BCLAF3: variants seen among roughly 807,000 people sequenced by gnomAD.
BCLAF3 encodes the protein transient octamer binding factor 1.
In BCLAF3, 24 loss-of-function variants were observed where a neutral mutation model predicts 51.2. That is an observed-to-expected ratio of 0.47 (90% CI 0.34 to 0.66). The LOEUF (loss-of-function observed/expected upper bound fraction) is 0.66, where lower values mean the gene tolerates loss of function less well. Among genes scored for constraint, BCLAF3 ranks in the 30% least tolerant of loss-of-function variants. The pLI, the probability that BCLAF3 is intolerant of heterozygous loss-of-function variation, is 0.01. For synonymous variants in BCLAF3, 152 were observed against 176.6 expected (o/e 0.86, Z 1.10); for missense variants, 465 against 525.1 (o/e 0.89, Z 1.12).
chrX:19,955,610 G>C, intron 4 of BCLAF3, 44 bp from the exon 5 acceptor site: 1 of 1,053,565 alleles, frequency 9.5e-7, no homozygotes, highest in Non-Finnish European at 1.3e-6. Flanking sequence ...AAACTATTTT[G>C]TGGAGAAAAG....
chrX:19,978,649 T>A (rs1167810575), intron 1 of BCLAF3, among the ~76,000 whole-genome samples: 1 of 112,462 alleles, frequency 8.9e-6, no homozygotes, highest in Non-Finnish European at 1.9e-5. Context: ...ATATGTTTAG[T>A]TGATAAAGCA....
At chrX:19,929,724 A>G (rs1399162701) in intron 11 of BCLAF3, 61 bp downstream of exon 11, 2 of 1,050,093 alleles carry the variant, frequency 1.9e-6, no homozygotes, top group Admixed American at 3.0e-5. Context: ...TCTAATGAAC[A>G]TAGATAATCT....
chrX:19,917,891 T>C (rs765374592), intron 11 of BCLAF3, among the ~76,000 whole-genome samples: 21 of 111,665 alleles, frequency 1.9e-4, no homozygotes, highest in African/African-American at 6.8e-4. Context: ...ACAAGAACAA[T>C]GAGACTATGA....
At chrX:19,927,176 G>A (rs1005173258) in intron 11 of BCLAF3, among the ~76,000 whole-genome samples, 13 of 110,717 alleles carry the variant, frequency 1.2e-4, no homozygotes, top group South Asian at 7.7e-4. Flanking sequence ...GCAGTGAGCC[G>A]AGATGGTGCC....
chrX:19,940,076 G>A (rs1202336835), intron 8 of BCLAF3, among the ~76,000 whole-genome samples: 1 of 111,319 alleles, frequency 9.0e-6, no homozygotes, highest in African/African-American at 3.3e-5. Context: ...GGTTAAAATG[G>A]TAAATTTAGG....
chrX:19,927,375 A>G (rs989996582), intron 11 of BCLAF3, among the ~76,000 whole-genome samples: 1 of 112,077 alleles, frequency 8.9e-6, no homozygotes, highest in African/African-American at 3.2e-5. Context: ...ACATAAAAAA[A>G]ATAAGTTGCC....
Position 19,938,604 on chromosome X carries a change from C to T in BCLAF3, c.1746-1072G>A, listed in dbSNP as rs1161435462. Among the ~76,000 whole-genome samples the T allele has an allele frequency of 4.5e-5, 5 of 112,345 alleles. No individual in the cohort carries two copies. In the East Asian group the frequency reaches 8.4e-4, roughly 19 times the overall value. On this transcript the variant is annotated intron_variant, in intron 8 of 11. Coordinates refer to ENST00000379682, the MANE Select transcript of BCLAF3 (RefSeq NM_001367774.2). ...TAGACACGGGGTTTCACCATGTTGG[C>T]CAGCCTGGTCTTGAACTCCTGACCT...
At chrX:19,938,439 A>G (rs1456784978) in intron 8 of BCLAF3, among the ~76,000 whole-genome samples, 1 of 112,311 alleles carries the variant, frequency 8.9e-6, no homozygotes, top group African/African-American at 3.2e-5. Context: ...TGTGTTGCCC[A>G]GGCTGGAGTG....
At chrX:19,963,566 TC>T (rs745815840) in intron 4 of BCLAF3, among the ~76,000 whole-genome samples, 2 of 111,526 alleles carry the variant, frequency 1.8e-5, no homozygotes, top group East Asian at 5.6e-4. Context: ...TATGGGTGAT[TC>T]CCCCCCTTTA....
chrX:19,951,572 G>A (rs1359718311), intron 7 of BCLAF3, among the ~76,000 whole-genome samples: 28 of 90,591 alleles, frequency 3.1e-4, no homozygotes, highest in Admixed American at 1.4e-3. Flanking sequence ...CTCCAGCCAG[G>A]GTGACAGAGT....
rs1180798487 is a variant in BCLAF3, at chrX:19,965,710, T to C, written c.612-4A>G. ...GAAATCACGATCCTCAGGATACCTG[T>C]GTTGACATAAAGCAGTTTACACTTG... is the stretch of plus-strand genomic sequence containing the variant. On this transcript the variant is annotated splice_polypyrimidine_tract_variant and splice_region_variant and intron_variant, in intron 3 of 11. Transcript: ENST00000379682. 9 of 1,128,046 alleles carry C rather than the reference T, an allele frequency of 8.0e-6. No homozygotes were observed. The highest frequency in any genetic ancestry group is 1.0e-5 in the Non-Finnish European group (9 of 857,643). The allele number at this position is 1,128,046 out of a possible 1,213,427, so 93.0% of individuals were successfully genotyped here.
At chrX:19,928,709 A>G (rs1459378337) in intron 11 of BCLAF3, among the ~76,000 whole-genome samples, 1 of 112,380 alleles carries the variant, frequency 8.9e-6, no homozygotes, top group Non-Finnish European at 1.9e-5. Context: ...GGATAAAGAA[A>G]ATGCATATAT....
At chrX:19,990,691 C>T (rs2072909481) in intron 1 of BCLAF3, among the ~76,000 whole-genome samples, 1 of 113,181 alleles carries the variant, frequency 8.8e-6, no homozygotes, top group Admixed American at 9.2e-5. Context: ...GGGCAGCTGT[C>T]CCCTGGAAAC....
At chrX:19,925,362 G>A (rs2070323276) in intron 11 of BCLAF3, among the ~76,000 whole-genome samples, 1 of 111,050 alleles carries the variant, frequency 9.0e-6, no homozygotes, top group African/African-American at 3.3e-5. Context: ...TGGCAGGGGA[G>A]TGAGGAGTCC....
chrX:19,983,582 G>A (rs1000234218), intron 1 of BCLAF3, among the ~76,000 whole-genome samples: 4 of 110,745 alleles, frequency 3.6e-5, no homozygotes, highest in Non-Finnish European at 7.6e-5. Flanking sequence ...GGGCATGGTG[G>A]CATGCGCCTA....
At chrX:19,943,506 T>C (rs1365242164) in intron 8 of BCLAF3, among the ~76,000 whole-genome samples, 1 of 60,978 alleles carries the variant, frequency 1.6e-5, no homozygotes, top group Non-Finnish European at 2.7e-5. Context: ...AGAACATCTT[T>C]ATTTCTGCCT....
At chrX:19,946,138 C>A (rs892499205) in intron 8 of BCLAF3, among the ~76,000 whole-genome samples, 2 of 110,806 alleles carry the variant, frequency 1.8e-5, no homozygotes, top group East Asian at 2.9e-4. Flanking sequence ...CGGCTCGCGC[C>A]CGGTGCGCGC....
intron 4 of BCLAF3, among the ~76,000 whole-genome samples, chrX:19,964,220 A>C (rs2071966651): frequency 9.0e-6 from 1 of 111,109 alleles, no homozygotes; most frequent in South Asian, 3.8e-4. Flanking sequence ...TAGTGTATTA[A>C]GGTCATGAAC....
intron 11 of BCLAF3, among the ~76,000 whole-genome samples, chrX:19,920,580 G>A (rs756339645): frequency 2.7e-5 from 3 of 111,553 alleles, no homozygotes; most frequent in Non-Finnish European, 3.8e-5. Context: ...AGCACTTTGG[G>A]AGGCCGAGGT....
Sources: allele counts gnomAD v4.1 joint callset (sites outside exome capture counted in the v4.1 genomes callset), GRCh38; gene constraint gnomAD v4.1.1; transcripts MANE v1.5; gene names NCBI Gene and HGNC (gene_info 2026-07-23, HGNC 2026-07-21).